Variants in STPG2 observed in about 807,000 individuals in gnomAD.
The protein encoded by STPG2 is sperm-tail PG-rich repeat-containing protein 2.
Under a neutral mutation model 54.2 loss-of-function variants are expected in STPG2, and 56 were observed. The observed-to-expected ratio is 1.03, with a 90% CI of 0.83 to 1.29. STPG2 has a LOEUF of 1.29. Among genes scored for constraint, STPG2 ranks in the 50% most tolerant of loss-of-function variants. The pLI is 0.00. For synonymous variants in STPG2, 200 were observed against 181.8 expected (o/e 1.10, Z -0.81); for missense variants, 596 against 544.9 (o/e 1.09, Z -0.93).
intron 7 of STPG2, among the ~76,000 whole-genome samples, chr4:97,944,535 C>G (rs552530075): frequency 1.3e-5 from 2 of 151,940 alleles, no homozygotes; most frequent in African/African-American, 4.8e-5. Context: ...TTTCAATGAG[C>G]AATTAATCCT....
rs1487996749 is a variant in STPG2, at chr4:97,756,167, A to G, written c.1205-43353T>C. Among the ~76,000 whole-genome samples the G allele has an allele frequency of 9.9e-5, 15 of 152,212 alleles. No individual in the cohort carries two copies. In the East Asian group the frequency reaches 1.4e-3, roughly 14 times the overall value. On this transcript the variant is annotated intron_variant, in intron 9 of 10. Coordinates refer to ENST00000295268, the MANE Select transcript of STPG2 (RefSeq NM_174952.3). ...TTTTTCTACTTGTTGAAGGACATCA[A>G]TGAGTCACTCAATGACATCTTCTAC...
rs547545860 is a variant in STPG2, at chr4:98,050,887, C to T, written c.612+55066G>A. ...GGGCGTGGTGTCGGACGCCTGTAGTCCCAGCTACTCGGGAGGCTGAGGCAG... is the reference window on the plus strand; with the variant it reads ...GGGCGTGGTGTCGGACGCCTGTAGTTCCAGCTACTCGGGAGGCTGAGGCAG... On this transcript the variant is annotated intron_variant, in intron 5 of 10. Transcript: ENST00000295268. Among the ~76,000 whole-genome samples the T allele has an allele frequency of 2.0e-5, 3 of 152,108 alleles. No individual in the cohort carries two copies. The East Asian group carries it at 5.8e-4, about 29-fold the overall frequency.
intron 10 of STPG2, among the ~76,000 whole-genome samples, chr4:97,604,153 C>A (rs1301865112): frequency 1.3e-5 from 2 of 151,520 alleles, no homozygotes; most frequent in East Asian, 1.9e-4. Context: ...TACTCTAGGG[C>A]AGCCCTGTAT....
At chr4:97,746,242 TTAAC>T (rs1447643392) in intron 9 of STPG2, among the ~76,000 whole-genome samples, 1 of 151,260 alleles carries the variant, frequency 6.6e-6, no homozygotes, top group African/African-American at 2.4e-5. Context: ...ATGTGTATCT[TTAAC>T]TCACTAAATT....
intron 8 of STPG2, among the ~76,000 whole-genome samples, chr4:97,923,946 C>A (rs1732232156): frequency 6.6e-6 from 1 of 152,108 alleles, no homozygotes; most frequent in Admixed American, 6.5e-5. Flanking sequence ...GTGGGTGGGG[C>A]CAGATAAGAG....
intron 4 of STPG2, 109 bp from the exon 5 acceptor site, chr4:98,106,173 G>A (rs1739183500): frequency 7.7e-6 from 6 of 783,548 alleles, no homozygotes; most frequent in South Asian, 2.4e-5. Context: ...TTAAACTATG[G>A]AATAATAAGA....
At chr4:97,739,447 C>G (rs911897387) in intron 9 of STPG2, among the ~76,000 whole-genome samples, 34 of 152,010 alleles carry the variant, frequency 2.2e-4, no homozygotes, top group African/African-American at 7.7e-4. Flanking sequence ...AAAGGATCAA[C>G]AAAATTGATA....
intron 10 of STPG2, among the ~76,000 whole-genome samples, chr4:97,611,202 A>G (rs1043094784): frequency 1.3e-5 from 2 of 151,888 alleles, no homozygotes; most frequent in Non-Finnish European, 2.9e-5. Flanking sequence ...TGTGTTACCT[A>G]CTAGGTGCTG....
intron 10 of STPG2, among the ~76,000 whole-genome samples, chr4:97,709,571 CT>C (rs1263047746): frequency 6.6e-6 from 1 of 151,358 alleles, no homozygotes; most frequent in African/African-American, 2.4e-5. Flanking sequence ...TAAATCTTTT[CT>C]AATATTTAAA....
Position 97,724,230 on chromosome 4 carries a change from C to A in STPG2, c.1205-11416G>T, listed in dbSNP as rs560802291. Among the ~76,000 whole-genome samples the A allele has an allele frequency of 2.6e-5, 4 of 152,072 alleles. No individual in the cohort carries two copies. In the East Asian group the frequency reaches 7.7e-4, roughly 29 times the overall value. On this transcript the variant is annotated intron_variant, in intron 9 of 10. Transcript: ENST00000295268. ...TTCCTTTTTTTAAGCTCTTCATATA[C>A]CTTTATTTTTACACACATTTATATG...
At chr4:98,034,260 G>A (rs745733904) in intron 5 of STPG2, among the ~76,000 whole-genome samples, 69 of 152,252 alleles carry the variant, frequency 4.5e-4, no homozygotes, top group South Asian at 1.7e-3. Flanking sequence ...AAAGTCTCAG[G>A]ATACAAAATC....
intron 10 of STPG2, among the ~76,000 whole-genome samples, chr4:97,608,541 T>A (rs1055760637): frequency 2.0e-5 from 3 of 152,022 alleles, no homozygotes; most frequent in African/African-American, 7.2e-5. Flanking sequence ...GTGTCCTGTA[T>A]TTTAAAGTGC....
chr4:97,634,808 T>C (rs1226730928), intron 10 of STPG2, among the ~76,000 whole-genome samples: 7 of 150,118 alleles, frequency 4.7e-5, no homozygotes, highest in South Asian at 2.1e-4. Context: ...TAAAAAGAAA[T>C]GAGCAAAGCC....
chr4:97,944,778 A>C (rs1447496787), intron 7 of STPG2, among the ~76,000 whole-genome samples: 1 of 152,128 alleles, frequency 6.6e-6, no homozygotes, highest in African/African-American at 2.4e-5. Context: ...GGTAACATTA[A>C]TTTACTAAAA....
At chr4:97,668,190 G>A (rs1722584112) in intron 10 of STPG2, among the ~76,000 whole-genome samples, 1 of 152,076 alleles carries the variant, frequency 6.6e-6, no homozygotes, top group African/African-American at 2.4e-5. Flanking sequence ...GAAAAAGTGG[G>A]TAAGGTATTC....
intron 10 of STPG2, among the ~76,000 whole-genome samples, chr4:97,708,874 T>A (rs2149004436): frequency 6.6e-6 from 1 of 151,908 alleles, no homozygotes; most frequent in Non-Finnish European, 1.5e-5. Flanking sequence ...GGTAATCTGC[T>A]AACAAAAGGA....
chr4:97,540,795 G>A (rs1298848911), intron 4 of STPG2, among the ~76,000 whole-genome samples: 1 of 151,992 alleles, frequency 6.6e-6, no homozygotes, highest in Non-Finnish European at 1.5e-5. Context: ...TTCATTCCTG[G>A]GATGGAAGGC....
chr4:97,739,283 CT>C (rs1725135021), intron 9 of STPG2, among the ~76,000 whole-genome samples: 1 of 152,006 alleles, frequency 6.6e-6, no homozygotes, highest in South Asian at 2.1e-4. Context: ...AATTGACACC[CT>C]AACATCACAA....
At chr4:97,924,064 C>A (rs1400532274) in intron 8 of STPG2, among the ~76,000 whole-genome samples, 4 of 152,210 alleles carry the variant, frequency 2.6e-5, no homozygotes, top group Non-Finnish European at 5.9e-5. Context: ...CTACTGCTCA[C>A]TCTTTGGGTC....
Sources: allele counts gnomAD v4.1 joint callset (sites outside exome capture counted in the v4.1 genomes callset), GRCh38; gene constraint gnomAD v4.1.1; transcripts MANE v1.5; gene names NCBI Gene and HGNC (gene_info 2026-07-23, HGNC 2026-07-21).